Variants in PCLO observed in about 807,000 individuals in gnomAD.
PCLO encodes the protein protein piccolo.
In PCLO, 82 loss-of-function variants were observed where a neutral mutation model predicts 427.5. The observed-to-expected ratio is 0.19, with a 90% CI of 0.16 to 0.23. The LOEUF (loss-of-function observed/expected upper bound fraction) is 0.23. PCLO is among the 10% of genes least tolerant of loss of function. The pLI is 1.00. For missense variants in PCLO, 6,239 were observed against 6,115.9 expected (o/e 1.02, Z -0.67); for synonymous variants, 2,357 against 2,155.4 (o/e 1.09, Z -2.59).
intron 20 of PCLO, among the ~76,000 whole-genome samples, chr7:82,815,668 A>G (rs1791663438): frequency 6.6e-6 from 1 of 152,248 alleles, no homozygotes; most frequent in South Asian, 2.1e-4. Flanking sequence ...ATTTGGAAAT[A>G]GAAACCTGTG....
In PCLO at chr7:82,794,347, A is replaced by G. The variant is rs75392785; in HGVS notation, c.15007+7171T>C. On this transcript the variant is annotated intron_variant, in intron 22 of 24. Coordinates refer to ENST00000333891, the MANE Select transcript of PCLO (RefSeq NM_033026.6). Reference sequence around the variant, plus strand: ...CTGCTAGTTAGAATTTGAGCCTGATAGGTTAATCACTTAATTGTTTTTTAA... The same window carrying G: ...CTGCTAGTTAGAATTTGAGCCTGATGGGTTAATCACTTAATTGTTTTTTAA... Among the ~76,000 whole-genome samples the G allele has an allele frequency of 1.7e-4, 25 of 150,754 alleles. No homozygotes were observed. In the East Asian group the frequency reaches 4.6e-3, roughly 27 times the overall value.
At chr7:82,879,222 A>C (rs967448259) in intron 10 of PCLO, 115 bp downstream of exon 10, 7 of 810,478 alleles carry the variant, frequency 8.6e-6, no homozygotes, top group Non-Finnish European at 1.3e-5. Flanking sequence ...ACAACTAACC[A>C]TAAGGAGAGA....
Position 82,956,542 on chromosome 7 carries a change from T to C in PCLO, c.4411A>G (p.Ser1471Gly), listed in dbSNP as rs750862651. The change falls in exon 5 of 25, where the codon AGT (serine) becomes GGT (glycine). Residue 1471 changes from serine (S) to glycine (G), a missense_variant. Ser to Gly is a moderately conservative substitution (Grantham distance 56, BLOSUM62 0). Coordinates refer to ENST00000333891, the MANE Select transcript of PCLO (RefSeq NM_033026.6). ...AAAGTGTCTTTCCTTTCTTCTTGAC[T>C]CTCTTTGATCTCCTCTTCTGAAATA... The part of the protein sequence containing the change: ...ITISEEEIKE[S>G]QEERKDTFKK... 1 of 1,611,884 alleles carries C rather than the reference T, an allele frequency of 6.2e-7. No homozygotes were observed. Among genetic ancestry groups the C allele is most frequent in the Middle Eastern group, 1.7e-4 (1 of 6,052 alleles).
At chr7:82,945,447 T>C (rs1308019330) in intron 6 of PCLO, among the ~76,000 whole-genome samples, 1 of 152,214 alleles carries the variant, frequency 6.6e-6, no homozygotes, top group Non-Finnish European at 1.5e-5. Context: ...TCTCAAAATG[T>C]GAACCTATTT....
intron 10 of PCLO, among the ~76,000 whole-genome samples, chr7:82,854,060 A>C (rs1241975357): frequency 2.6e-5 from 4 of 152,098 alleles, no homozygotes; most frequent in Non-Finnish European, 4.4e-5. Flanking sequence ...ATATACAGTA[A>C]AACTTCCCCA....
At chr7:82,826,311 A>C (rs1791942779) in intron 18 of PCLO, among the ~76,000 whole-genome samples, 1 of 152,124 alleles carries the variant, frequency 6.6e-6, no homozygotes, top group South Asian at 2.1e-4. Context: ...TTGTTACTTC[A>C]AATCTCATTT....
rs1238448032 is a variant in PCLO, at chr7:82,954,823, C to A, written c.6130G>T (p.Asp2044Tyr). ...FIIPESHEIVDLGTMVTSTEE... is the reference protein window; with the variant it reads ...FIIPESHEIVYLGTMVTSTEE... Reference sequence around the variant, plus strand: ...GTAGAAGTTACCATAGTACCCAGGTCCACTATCTCATGGCTTTCTGGGATG... The same window carrying A: ...GTAGAAGTTACCATAGTACCCAGGTACACTATCTCATGGCTTTCTGGGATG... Residue 2044 changes from aspartate (D) to tyrosine (Y), a missense_variant, in exon 5 of 25, where the codon GAC becomes TAC. Around this residue, in one of 5 missense-constraint regions of PCLO, gnomAD observed 4,677 missense variants for 4,468.4 expected, o/e 1.05. Transcript: ENST00000333891. 9.9e-6 allele frequency: 16 copies of A among 1,613,600 alleles called. No homozygotes were observed. The East Asian group carries it at 3.6e-4, about 36-fold the overall frequency.
intron 8 of PCLO, among the ~76,000 whole-genome samples, chr7:82,906,688 G>A (rs1174957335): frequency 6.6e-6 from 1 of 151,942 alleles, no homozygotes; most frequent in African/African-American, 2.4e-5. Flanking sequence ...GGGTTTCAGG[G>A]ACAGGCAATG....
At chr7:82,939,088 A>C (rs2116372564) in intron 6 of PCLO, among the ~76,000 whole-genome samples, 1 of 152,204 alleles carries the variant, frequency 6.6e-6, no homozygotes, top group African/African-American at 2.4e-5. Context: ...TCTTACAGCA[A>C]ATCACTCGTC....
intron 20 of PCLO, among the ~76,000 whole-genome samples, chr7:82,812,645 G>C (rs1310745986): frequency 6.6e-6 from 1 of 151,432 alleles, no homozygotes; most frequent in Non-Finnish European, 1.5e-5. Flanking sequence ...AATGAAAAAA[G>C]AATGTATCCA....
chr7:82,973,773 A>C (rs1243123490), intron 3 of PCLO, among the ~76,000 whole-genome samples: 1 of 152,060 alleles, frequency 6.6e-6, no homozygotes, highest in African/African-American at 2.4e-5. Context: ...AGATATTTCC[A>C]TAAATAGCAA....
intron 3 of PCLO, among the ~76,000 whole-genome samples, chr7:83,101,735 A>C (rs774961311): frequency 9.2e-5 from 14 of 152,222 alleles, no homozygotes; most frequent in Non-Finnish European, 1.3e-4. Context: ...AAATCTTCCA[A>C]AATTAACTTT....
At chr7:82,958,373 C>T (rs1795580477) in intron 4 of PCLO, among the ~76,000 whole-genome samples, 1 of 151,074 alleles carries the variant, frequency 6.6e-6, no homozygotes, top group Admixed American at 6.6e-5. Context: ...TTCCTCCCTC[C>T]CTCTCCCCAT....
At chr7:82,893,253 A>C (rs1466345509) in intron 9 of PCLO, among the ~76,000 whole-genome samples, 11 of 152,150 alleles carry the variant, frequency 7.2e-5, no homozygotes, top group Non-Finnish European at 1.5e-4. Flanking sequence ...ATAAAAAATG[A>C]TGAGTTCATG....
At chr7:82,785,037 T>G (rs1426279356) in intron 22 of PCLO, among the ~76,000 whole-genome samples, 2 of 152,236 alleles carry the variant, frequency 1.3e-5, no homozygotes, top group Non-Finnish European at 2.9e-5. Flanking sequence ...CCAAATAATT[T>G]AAGTTTCTTT....
intron 3 of PCLO, chr7:83,017,881 TA>T (rs886282431): frequency 2.0e-5 from 3 of 151,946 alleles, no homozygotes; most frequent in East Asian, 1.9e-4. Flanking sequence ...GAAGTTAAAA[TA>T]AAAAACTCTG....
intron 3 of PCLO, among the ~76,000 whole-genome samples, chr7:83,059,892 G>A (rs929294978): frequency 6.6e-6 from 1 of 152,176 alleles, no homozygotes; most frequent in African/African-American, 2.4e-5. Context: ...AGTGTGCTGA[G>A]TCTGAAGTAG....
chr7:83,147,719 G>GT (rs1217099999), intron 2 of PCLO, among the ~76,000 whole-genome samples: 1 of 152,086 alleles, frequency 6.6e-6, no homozygotes, highest in Non-Finnish European at 1.5e-5. Flanking sequence ...ATGATTTAAA[G>GT]TTTTTAAATT....
intron 9 of PCLO, among the ~76,000 whole-genome samples, chr7:82,890,781 G>A (rs554446772): frequency 6.6e-6 from 1 of 151,934 alleles, no homozygotes; most frequent in East Asian, 1.9e-4. Context: ...TTTTAGGCTT[G>A]TAGATTTTCA....
Sources: gnomAD v4.1 joint callset for allele counts (sites outside exome capture counted in the v4.1 genomes callset) on GRCh38, gnomAD v4.1.1 for gene constraint, gnomAD v4.1.1 regional missense constraint, MANE v1.5 for transcripts, NCBI Gene and HGNC (gene_info 2026-07-23, HGNC 2026-07-21) for gene names.